AFG1L: variants seen among roughly 807,000 people sequenced by gnomAD.
The protein encoded by AFG1L is AFG1-like ATPase.
A neutral mutation model predicts 62.2 loss-of-function variants in AFG1L; 53 were observed. The observed-to-expected ratio is 0.85, with a 90% CI of 0.68 to 1.07. The LOEUF (loss-of-function observed/expected upper bound fraction) is 1.07, where lower values mean the gene tolerates loss of function less well. AFG1L is among the 50% of genes least tolerant of loss of function. The pLI is 0.00. For missense variants in AFG1L, 555 were observed against 590.5 expected (o/e 0.94, Z 0.62); for synonymous variants, 228 against 210.3 (o/e 1.08, Z -0.73).
intron 8 of AFG1L, among the ~76,000 whole-genome samples, chr6:108,459,999 C>G (rs1237427237): frequency 1.3e-5 from 2 of 148,888 alleles, no homozygotes; most frequent in African/African-American, 2.5e-5. Flanking sequence ...AACATATCAA[C>G]AAATTACAGT....
chr6:108,419,307 C>G (rs1056474561), intron 7 of AFG1L, among the ~76,000 whole-genome samples: 24 of 152,128 alleles, frequency 1.6e-4, no homozygotes, highest in African/African-American at 5.8e-4. Flanking sequence ...TTCTCATTCA[C>G]AATGACAGCT....
At chr6:108,312,631 A>G (rs1777455432) in intron 1 of AFG1L, among the ~76,000 whole-genome samples, 1 of 152,204 alleles carries the variant, frequency 6.6e-6, no homozygotes, top group Non-Finnish European at 1.5e-5. Context: ...TTAAAGCACC[A>G]AAGAACACAT....
intron 2 of AFG1L, among the ~76,000 whole-genome samples, chr6:108,330,339 C>G (rs1335783532): frequency 6.6e-6 from 1 of 151,930 alleles, no homozygotes; most frequent in East Asian, 1.9e-4. Flanking sequence ...CCACGCCCAG[C>G]TAAGTTTTGT....
chr6:108,522,271 T>C (rs1405903098), intron 12 of AFG1L, 26 bp from the exon 13 acceptor site: 1 of 1,606,128 alleles, frequency 6.2e-7, no homozygotes, highest in Non-Finnish European at 8.5e-7. Context: ...GATAGCTTTA[T>C]TTTAATTTCT....
chr6:108,345,763 A>G (rs957640742), intron 2 of AFG1L, among the ~76,000 whole-genome samples: 12 of 151,926 alleles, frequency 7.9e-5, no homozygotes, highest in African/African-American at 2.9e-4. Context: ...CCAAATATCC[A>G]TTGACCATTG....
intron 10 of AFG1L, among the ~76,000 whole-genome samples, chr6:108,506,189 C>G (rs904920255): frequency 5.9e-5 from 9 of 152,046 alleles, no homozygotes; most frequent in Non-Finnish European, 8.8e-5. Context: ...TTGCATATAA[C>G]CCATGCACAT....
chr6:108,429,384 C>T (rs944991238), intron 7 of AFG1L, among the ~76,000 whole-genome samples: 3 of 152,108 alleles, frequency 2.0e-5, no homozygotes, highest in Admixed American at 6.5e-5. Context: ...GGGAACTCTC[C>T]TTTATAAAAC....
intron 10 of AFG1L, among the ~76,000 whole-genome samples, chr6:108,493,220 T>G (rs190054458): frequency 5.9e-5 from 9 of 152,314 alleles, no homozygotes; most frequent in South Asian, 2.1e-4. Context: ...ACTCCAAAGC[T>G]TAAACCTCTG....
intron 11 of AFG1L, among the ~76,000 whole-genome samples, chr6:108,518,749 C>A (rs774081520): frequency 6.6e-6 from 1 of 152,164 alleles, no homozygotes; most frequent in Non-Finnish European, 1.5e-5. Flanking sequence ...CATTCAAATA[C>A]TTATGTAATC....
chr6:108,337,273 G>T (rs1176357250), intron 2 of AFG1L, among the ~76,000 whole-genome samples: 1 of 152,176 alleles, frequency 6.6e-6, no homozygotes, highest in East Asian at 1.9e-4. Context: ...AGCCCTTAGG[G>T]CTCCTTTGAG....
intron 2 of AFG1L, among the ~76,000 whole-genome samples, chr6:108,329,775 A>T (rs544021440): frequency 6.6e-6 from 1 of 152,254 alleles, no homozygotes; most frequent in South Asian, 2.1e-4. Context: ...TAGGTTTTCC[A>T]GTGATGGAAA....
At chr6:108,392,902 G>A (rs1781122111) in intron 6 of AFG1L, among the ~76,000 whole-genome samples, 1 of 151,896 alleles carries the variant, frequency 6.6e-6, no homozygotes, top group Non-Finnish European at 1.5e-5. Flanking sequence ...TTTGACACTT[G>A]GATTTTTAAG....
At chr6:108,519,108 T>A (rs1222294966) in intron 11 of AFG1L, among the ~76,000 whole-genome samples, 1 of 152,164 alleles carries the variant, frequency 6.6e-6, no homozygotes, top group Non-Finnish European at 1.5e-5. Context: ...AGCCAGCAGG[T>A]TTGGGTGTTT....
At chr6:108,392,057 T>C (rs1454998486) in intron 6 of AFG1L, 1 of 152,172 alleles carries the variant, frequency 6.6e-6, no homozygotes, top group Admixed American at 6.6e-5. Flanking sequence ...TGAATAAGTA[T>C]AAGAAAATGA....
chr6:108,432,516 A>T (rs1007001122), intron 7 of AFG1L, among the ~76,000 whole-genome samples: 3 of 152,232 alleles, frequency 2.0e-5, no homozygotes, highest in Non-Finnish European at 4.4e-5. Context: ...ATAAACCAGA[A>T]GGAAGTTATT....
chr6:108,460,774 G>A (rs1772428387), intron 8 of AFG1L, among the ~76,000 whole-genome samples: 1 of 152,040 alleles, frequency 6.6e-6, no homozygotes. Context: ...TGGCTAACAC[G>A]GTGAAACCCT....
intron 8 of AFG1L, among the ~76,000 whole-genome samples, chr6:108,468,571 T>C (rs768773814): frequency 6.6e-6 from 1 of 152,114 alleles, no homozygotes; most frequent in Non-Finnish European, 1.5e-5. Context: ...TGGGTATTCA[T>C]TGAACCCTGT....
chr6:108,364,091 A>T (rs1779654997), intron 5 of AFG1L, among the ~76,000 whole-genome samples: 1 of 152,178 alleles, frequency 6.6e-6, no homozygotes, highest in African/African-American at 2.4e-5. Flanking sequence ...GACTACCCTT[A>T]TTGGTAATCT....
intron 7 of AFG1L, among the ~76,000 whole-genome samples, chr6:108,443,822 C>A (rs2114741733): frequency 6.6e-6 from 1 of 151,960 alleles, no homozygotes; most frequent in Non-Finnish European, 1.5e-5. Context: ...TTGCAGTGAG[C>A]CAAGATCATG....
Sources: gnomAD v4.1 joint callset for allele counts (sites outside exome capture counted in the v4.1 genomes callset) on GRCh38, gnomAD v4.1.1 for gene constraint, MANE v1.5 for transcripts, NCBI Gene and HGNC (gene_info 2026-07-23, HGNC 2026-07-21) for gene names.